CAMTA1: variants seen among roughly 807,000 people sequenced by gnomAD.
The protein encoded by CAMTA1 is calmodulin-binding transcription activator 1.
CAMTA1 carries 27 observed loss-of-function variants against 170.9 expected under a neutral mutation model. The observed-to-expected ratio is 0.16, with a 90% confidence interval of 0.12 to 0.22. The LOEUF is 0.22. Ranked by LOEUF, CAMTA1 falls within the 10% of genes least tolerant of loss-of-function variation. The probability of loss-of-function intolerance (pLI) is 1.00; values close to 1 mark genes in which losing one functional copy is unlikely to be tolerated. For synonymous variants in CAMTA1, 833 were observed against 891.5 expected, an observed-to-expected ratio of 0.93 and a Z score of 1.17; for missense variants, 1,619 against 2,217.2, an observed-to-expected ratio of 0.73 and a Z score of 5.42.
intron 4 of CAMTA1, among the ~76,000 whole-genome samples, chr1:7,232,086 G>A (rs1662940566): frequency 6.6e-6 from 1 of 152,200 alleles, no homozygotes; most frequent in South Asian, 2.1e-4. Context: ...GGTGGTCCCC[G>A]CAGAGAGAGC....
chr1:7,762,253 C>CTTCT, intron 22 of CAMTA1, among the ~76,000 whole-genome samples: 1 of 152,182 alleles, frequency 6.6e-6, no homozygotes, highest in African/African-American at 2.4e-5. Flanking sequence ...GAGAATCACC[C>CTTCT]AGAGATAATA....
Position 6,918,706 on chromosome 1 carries a change from G to A in CAMTA1, c.234+93496G>A, listed in dbSNP as rs1681357237. Reference sequence around the variant, plus strand: ...ACAGGAGTTGGGCAGAGGGAGGGGAGGCTGGGCTCCTTGGGACTTCCTGGT... The same window carrying A: ...ACAGGAGTTGGGCAGAGGGAGGGGAAGCTGGGCTCCTTGGGACTTCCTGGT... On this transcript the variant is annotated intron_variant, in intron 3 of 22. Coordinates refer to ENST00000303635, the MANE Select transcript of CAMTA1 (RefSeq NM_015215.4). This position sits in a 1 kb window ranked among gnomAD's most constrained non-coding sequence, Gnocchi z 4.0. Among the ~76,000 whole-genome samples, 1 of 152,206 alleles carries A rather than the reference G, an allele frequency of 6.6e-6. No individual in the cohort carries two copies. Among genetic ancestry groups the A allele is most frequent in the South Asian group, 2.1e-4 (1 of 4,824 alleles).
rs994324748 is a variant in CAMTA1 at position 7,767,941 on chromosome 1, C to T, written c.*1450C>T. ...ATATGTTTACATTTAATTTTGGCTACCAGGAGTTTAGTTTATTTTATTTAA... is the reference window on the plus strand; with the variant it reads ...ATATGTTTACATTTAATTTTGGCTATCAGGAGTTTAGTTTATTTTATTTAA... On this transcript the variant is annotated 3_prime_UTR_variant, in exon 23 of 23. Coordinates refer to ENST00000303635, the MANE Select transcript of CAMTA1 (RefSeq NM_015215.4). The T allele has an allele frequency of 2.6e-5, 4 of 151,024 alleles. No individual in the cohort carries two copies. The highest frequency in any genetic ancestry group is 5.9e-5 in the Non-Finnish European group (4 of 67,738). 9.4% of individuals were successfully genotyped at this position (151,024 alleles called of 1,614,324 possible).
At chr1:7,148,423 CCTCCCCCCCCGCCACG>C (rs1398962083) in intron 4 of CAMTA1, among the ~76,000 whole-genome samples, 2 of 86,798 alleles carry the variant, frequency 2.3e-5, no homozygotes, top group Non-Finnish European at 5.1e-5. Context: ...GAATCCACCC[CCTCCCCCCCCGCCACG>C]CTCCCCGCCA....
chr1:7,613,952 G>T (rs1185899990), intron 6 of CAMTA1, among the ~76,000 whole-genome samples: 1 of 148,722 alleles, frequency 6.7e-6, no homozygotes, highest in African/African-American at 2.5e-5. Context: ...CAGACCTGGA[G>T]GGGTGAGGAG....
chr1:7,127,107 G>A (rs747952267), intron 4 of CAMTA1, among the ~76,000 whole-genome samples: 2 of 152,148 alleles, frequency 1.3e-5, no homozygotes, highest in Non-Finnish European at 2.9e-5. Flanking sequence ...GCAGCATGGG[G>A]CCTGGGAGAC....
At chr1:7,122,107 C>T (rs548317636) in intron 4 of CAMTA1, among the ~76,000 whole-genome samples, 5 of 152,048 alleles carry the variant, frequency 3.3e-5, no homozygotes, top group Admixed American at 1.3e-4. Flanking sequence ...TGTGAGTGTC[C>T]GAGGGGAAGC....
At chr1:7,031,677 C>T (rs1365333726) in intron 3 of CAMTA1, among the ~76,000 whole-genome samples, 2 of 151,994 alleles carry the variant, frequency 1.3e-5, no homozygotes, top group African/African-American at 4.8e-5. Context: ...GTAGCTGGGA[C>T]TACAGGCGCG....
intron 3 of CAMTA1, among the ~76,000 whole-genome samples, chr1:6,910,562 G>A (rs1298351552): frequency 6.6e-6 from 1 of 152,202 alleles, no homozygotes; most frequent in East Asian, 1.9e-4. Context: ...AAATGCTAAT[G>A]TAACTTGACT....
rs2096217513 is a variant in CAMTA1 at position 7,682,485 on chromosome 1, G to A, written c.2914+4752G>A. Among the ~76,000 whole-genome samples, 1 of 152,250 alleles carries A rather than the reference G, an allele frequency of 6.6e-6. No homozygotes were observed. Among genetic ancestry groups the A allele is most frequent in the Non-Finnish European group, 1.5e-5 (1 of 68,048 alleles). On this transcript the variant is annotated intron_variant, in intron 11 of 22. Coordinates refer to ENST00000303635, the MANE Select transcript of CAMTA1 (RefSeq NM_015215.4). This position sits in a 1 kb window ranked among gnomAD's most constrained non-coding sequence, Gnocchi z 5.0. The stretch of plus-strand genomic sequence containing the variant: ...AACAGATGGAAGATGTGTCTCTGGG[G>A]CAGCCCCTAGCTCTGCCCCCACTTC...
chr1:7,449,085 G>A (rs996765382), intron 5 of CAMTA1, among the ~76,000 whole-genome samples: 6 of 152,228 alleles, frequency 3.9e-5, no homozygotes, highest in Non-Finnish European at 5.9e-5. Flanking sequence ...GGCCACTGCC[G>A]AGCAGGAAGG....
rs755557663 is a variant in CAMTA1 at position 7,438,928 on chromosome 1, A to G, written c.439-28902A>G. Among the ~76,000 whole-genome samples the G allele has an allele frequency of 1.9e-4, 29 of 152,174 alleles. 1 individual carries two copies. Among genetic ancestry groups the G allele is most frequent in the Admixed American group, 2.6e-4 (4 of 15,278 alleles). The stretch of plus-strand genomic sequence containing the variant: ...GTGAGACAGTGAGGATGGAATGACC[A>G]TCTCTGAGAGTCCTGGGTGCGGTGC... On this transcript the variant is annotated intron_variant, in intron 5 of 22. Coordinates refer to ENST00000303635, the MANE Select transcript of CAMTA1 (RefSeq NM_015215.4).
At chr1:7,752,857 A>T (rs1167659464) in intron 21 of CAMTA1, among the ~76,000 whole-genome samples, 2 of 152,200 alleles carry the variant, frequency 1.3e-5, no homozygotes, top group African/African-American at 4.8e-5. Context: ...GATATGCCAC[A>T]TTGCAGTATG....
At chr1:6,852,012 CA>C (rs71280861) in intron 3 of CAMTA1, among the ~76,000 whole-genome samples, 2,019 of 90,598 alleles carry the variant, frequency 0.022, 20 homozygotes, top group South Asian at 0.058. Context: ...ACTCTATCTC[CA>C]AAAAAAAAAA....
chr1:7,687,512 A>G (rs75050832), intron 11 of CAMTA1, among the ~76,000 whole-genome samples: 6,514 of 152,096 alleles, frequency 0.043, 296 homozygotes, highest in East Asian at 0.25. Flanking sequence ...ACAGCCTTCC[A>G]CAGTGTGGGG....
At chr1:7,637,832 C>G (rs1047246381) in intron 6 of CAMTA1, among the ~76,000 whole-genome samples, 3 of 152,208 alleles carry the variant, frequency 2.0e-5, no homozygotes, top group African/African-American at 7.2e-5. Flanking sequence ...AGCAGGGGCA[C>G]CGAATAAGAT....
rs1486024846 is a variant in CAMTA1, at chr1:7,635,813, C to A, written c.511-4587C>A. Among the ~76,000 whole-genome samples the A allele has an allele frequency of 1.3e-5, 2 of 152,180 alleles. No individual in the cohort carries two copies. Among genetic ancestry groups the A allele is most frequent in the Non-Finnish European group, 2.9e-5 (2 of 68,028 alleles). ...GAAACTGATACATTAGGACTCCAAG[C>A]TAATATATTTTTCTGCCAAAAACAC... On this transcript the variant is annotated intron_variant, in intron 6 of 22. Coordinates refer to ENST00000303635, the MANE Select transcript of CAMTA1 (RefSeq NM_015215.4). This position sits in a 1 kb window ranked among gnomAD's most constrained non-coding sequence, Gnocchi z 4.4.
chr1:6,907,203 T>C lies in CAMTA1; in HGVS notation c.234+81993T>C, dbSNP rs188794889. On this transcript the variant is annotated intron_variant, in intron 3 of 22. Coordinates refer to ENST00000303635, the MANE Select transcript of CAMTA1 (RefSeq NM_015215.4). ...TGGTAAAACAGTAAGAGTTATAGGA[T>C]GTTCTGGAGGCCGAGCAGCATCATC... 3.1e-3 allele frequency among the ~76,000 whole-genome samples: 467 copies of C among 152,338 alleles called. 1 individual carries two copies. Among genetic ancestry groups the C allele is most frequent in the Non-Finnish European group, 3.9e-3 (265 of 68,022 alleles).
chr1:7,745,918 A>G lies in CAMTA1; in HGVS notation c.4444A>G (p.Ile1482Val). 1 of 1,614,190 alleles carries G rather than the reference A, an allele frequency of 6.2e-7. No individual in the cohort carries two copies. Among genetic ancestry groups the G allele is most frequent in the South Asian group, 1.1e-5 (1 of 91,082 alleles). The change falls in exon 18 of 23, where the codon ATC (isoleucine) becomes GTC (valine). Residue 1482 changes from isoleucine to valine, a missense_variant. Ile to Val is a conservative substitution (Grantham distance 29, BLOSUM62 3). Around this residue, in one of 8 missense-constraint regions of CAMTA1, gnomAD observed 370 missense variants for 429.4 expected, o/e 0.86. Coordinates refer to ENST00000303635, the MANE Select transcript of CAMTA1 (RefSeq NM_015215.4). ...LSPVGSPVSE[I>V]AFEKPNLPSA... The stretch of plus-strand genomic sequence containing the variant: ...CCCTGTTGGCTCTCCCGTCAGTGAA[A>G]TCGCTTTCGAGAAACCTAACCTTCC...
Sources: allele counts gnomAD v4.1 joint callset (sites outside exome capture counted in the v4.1 genomes callset), GRCh38; gene constraint gnomAD v4.1.1; regional missense constraint gnomAD v4.1.1; non-coding constraint Gnocchi (gnomAD v3.1); transcripts MANE v1.5; gene names NCBI Gene and HGNC (gene_info 2026-07-23, HGNC 2026-07-21).